The following GPHN variants were observed in gnomAD, a reference collection of about 807,000 sequenced individuals.
GPHN encodes gephyrin.
A neutral mutation model predicts 95.5 loss-of-function variants in GPHN; 17 were observed. The ratio of observed to expected loss-of-function variants is 0.18; its 90% CI spans 0.12 to 0.27. The LOEUF is 0.27. Among genes scored for constraint, GPHN ranks in the 10% least tolerant of loss-of-function variants. The pLI, the probability that GPHN is intolerant of heterozygous loss-of-function variation, is 1.00. For synonymous variants in GPHN, 320 were observed against 322.5 expected, an observed-to-expected ratio of 0.99 and a Z score of 0.08; for missense variants, 660 against 978.1, an observed-to-expected ratio of 0.67 and a Z score of 4.34.
At chr14:66,630,761 T>C (rs111720220) in intron 1 of GPHN, among the ~76,000 whole-genome samples, 79 of 152,286 alleles carry the variant, frequency 5.2e-4, no homozygotes, top group African/African-American at 1.6e-3. Context: ...CGTGAGCCAC[T>C]GCGCCCAGCC....
the GPHN span, among the ~76,000 whole-genome samples, chr14:67,712,729 G>C: frequency 6.6e-6 from 1 of 152,062 alleles, no homozygotes; most frequent in African/African-American, 2.4e-5. Flanking sequence ...GTTTGATTTA[G>C]GAACCAAACC....
At chr14:67,729,086 T>C in the GPHN span, 3 of 1,181,714 alleles carry the variant, frequency 2.5e-6, no homozygotes, top group South Asian at 1.2e-5. Flanking sequence ...TGGGGTTATG[T>C]TTCCTGAGTC....
At chr14:67,043,594 G>A (rs1310635789) in intron 10 of GPHN, among the ~76,000 whole-genome samples, 3 of 152,160 alleles carry the variant, frequency 2.0e-5, no homozygotes, top group Non-Finnish European at 4.4e-5. Flanking sequence ...GATCATGGTG[G>A]ATAAGATTTT....
At chr14:66,951,693 A>C (rs1194201948) in intron 8 of GPHN, among the ~76,000 whole-genome samples, 1 of 152,182 alleles carries the variant, frequency 6.6e-6, no homozygotes, top group East Asian at 1.9e-4. Context: ...GATTAAAGTA[A>C]CTTCTTAATG....
the GPHN span, among the ~76,000 whole-genome samples, chr14:67,396,440 G>A: frequency 2.6e-5 from 4 of 151,642 alleles, no homozygotes; most frequent in African/African-American, 7.3e-5. Flanking sequence ...GAGCCAATGC[G>A]CCTGGCCTCT....
chr14:67,555,893 C>A, the GPHN span: 1 of 1,613,256 alleles, frequency 6.2e-7, no homozygotes. Context: ...CCCAGGTAAC[C>A]AGGGGAGGGG....
chr14:66,753,226 T>C (rs929957914), intron 2 of GPHN, among the ~76,000 whole-genome samples: 6 of 152,028 alleles, frequency 3.9e-5, no homozygotes, highest in Non-Finnish European at 7.4e-5. Context: ...CCTGGGTATA[T>C]ACTTACTCTC....
the GPHN span, among the ~76,000 whole-genome samples, chr14:67,710,317 C>A: frequency 6.6e-6 from 1 of 152,070 alleles, no homozygotes; most frequent in African/African-American, 2.4e-5. Context: ...GATGTAGTAA[C>A]CTTAATTTAA....
intron 2 of GPHN, among the ~76,000 whole-genome samples, chr14:66,686,583 T>C (rs1335226951): frequency 1.3e-5 from 2 of 152,204 alleles, no homozygotes; most frequent in African/African-American, 4.8e-5. Flanking sequence ...ATGCTTGTGA[T>C]TTTTGCACAT....
rs2066104196 is a variant in GPHN, at chr14:66,919,730, A to AT, written c.457-2935dup. On this transcript the variant is annotated intron_variant, in intron 6 of 22. Transcript: ENST00000478722. Reference sequence around the variant, plus strand: ...TTAGCCTCCTGAGCCCACTTTCTGCATGGAAGGCCCCCAGTTGCTTCTCTC... The same window carrying AT: ...TTAGCCTCCTGAGCCCACTTTCTGCATTGGAAGGCCCCCAGTTGCTTCTCTC... 2.0e-5 allele frequency among the ~76,000 whole-genome samples: 3 copies of AT among 152,270 alleles called. No homozygotes were observed. In the South Asian group the frequency reaches 6.2e-4, roughly 32 times the overall value.
chr14:67,662,388 G>C, the GPHN span: 2 of 1,142,552 alleles, frequency 1.8e-6, no homozygotes, highest in East Asian at 4.9e-5. Flanking sequence ...CAATGGACAG[G>C]AACAGTTAAT....
chr14:66,894,060 A>G (rs1406207602), intron 5 of GPHN, among the ~76,000 whole-genome samples: 1 of 152,176 alleles, frequency 6.6e-6, no homozygotes, highest in Non-Finnish European at 1.5e-5. Flanking sequence ...TGCCAAGACA[A>G]TCCTCAGCCA....
the GPHN span, among the ~76,000 whole-genome samples, chr14:67,419,731 C>A: frequency 6.6e-6 from 1 of 152,112 alleles, no homozygotes; most frequent in Non-Finnish European, 1.5e-5. Context: ...CTCCTGTAGT[C>A]CCAGCTACTC....
intron 3 of GPHN, among the ~76,000 whole-genome samples, chr14:66,808,982 G>A (rs1044444821): frequency 6.6e-6 from 1 of 152,180 alleles, no homozygotes; most frequent in East Asian, 1.9e-4. Context: ...AGAAGTTCAA[G>A]TGTGGCTAAA....
At chr14:67,134,446 G>T (rs536491927) in intron 17 of GPHN, among the ~76,000 whole-genome samples, 1 of 152,276 alleles carries the variant, frequency 6.6e-6, no homozygotes, top group African/African-American at 2.4e-5. Flanking sequence ...TATATGTTTA[G>T]CAGTATCTTT....
the GPHN span, chr14:67,353,120 ATTATCCT>A: frequency 9.4e-7 from 1 of 1,064,852 alleles, no homozygotes; most frequent in East Asian, 2.5e-5. Flanking sequence ...CAGTGTTAAA[ATTATCCT>A]TTATCCTTTG....
chr14:67,025,788 A>G (rs752226402), intron 10 of GPHN, among the ~76,000 whole-genome samples: 4 of 152,206 alleles, frequency 2.6e-5, no homozygotes, highest in Non-Finnish European at 5.9e-5. Flanking sequence ...TGAGTTTGCA[A>G]CTTTTCTGAA....
the GPHN span, among the ~76,000 whole-genome samples, chr14:67,682,493 C>T: frequency 3.3e-5 from 5 of 151,922 alleles, no homozygotes; most frequent in East Asian, 3.8e-4. Flanking sequence ...AACCAAAAAG[C>T]GCATGAAAGA....
the GPHN span, among the ~76,000 whole-genome samples, chr14:67,419,403 A>G: frequency 7.2e-5 from 11 of 152,198 alleles, no homozygotes; most frequent in Admixed American, 2.6e-4. Context: ...TCCCAGCCCT[A>G]CCTAAGAGCA....
Sources: gnomAD v4.1 joint callset for allele counts (sites outside exome capture counted in the v4.1 genomes callset) on GRCh38, gnomAD v4.1.1 for gene constraint, MANE v1.5 for transcripts, NCBI Gene and HGNC (gene_info 2026-07-23, HGNC 2026-07-21) for gene names.